TCF12: variants seen among roughly 807,000 people sequenced by gnomAD.
TCF12 encodes DNA-binding protein HTF4.
A neutral mutation model predicts 86.0 loss-of-function variants in TCF12; 45 were observed. That is an observed-to-expected ratio of 0.52 (90% CI 0.41 to 0.67). The LOEUF is 0.67. Among genes scored for constraint, TCF12 ranks in the 30% least tolerant of loss-of-function variants. The pLI, the probability that TCF12 is intolerant of heterozygous loss-of-function variation, is 0.00. For missense variants in TCF12, 881 were observed against 859.9 expected (o/e 1.02, Z -0.31); for synonymous variants, 330 against 299.6 (o/e 1.10, Z -1.05).
intron 17 of TCF12, 81 bp downstream of exon 17, chr15:57,262,289 G>A: frequency 9.9e-7 from 1 of 1,014,876 alleles, no homozygotes; most frequent in Non-Finnish European, 1.5e-6. Flanking sequence ...CAGCTGGATT[G>A]ACATCTGTGA....
At chr15:57,145,538 T>A (rs2053297900) in intron 5 of TCF12, among the ~76,000 whole-genome samples, 1 of 152,200 alleles carries the variant, frequency 6.6e-6, no homozygotes. Flanking sequence ...GGACTTCTAA[T>A]TCTTACATTA....
At chr15:57,128,260 A>G (rs1443202076) in intron 5 of TCF12, among the ~76,000 whole-genome samples, 1 of 152,208 alleles carries the variant, frequency 6.6e-6, no homozygotes, top group Non-Finnish European at 1.5e-5. Context: ...TAATCAGATG[A>G]CGAGAAACAG....
chr15:57,063,874 T>C lies in TCF12; in HGVS notation c.222+51T>C, dbSNP rs79035959. ...TAAAGCTGTAATTTGGCAGACTACG[T>C]AATTTCTTTCATATATGCTGTTTCT... On this transcript the variant is annotated intron_variant, in intron 4 of 20. Coordinates refer to ENST00000333725, the MANE Select transcript of TCF12 (RefSeq NM_207037.2). 297 of 1,416,958 alleles carry C rather than the reference T, an allele frequency of 2.1e-4. No individual in the cohort carries two copies. The African/African-American group carries it at 3.6e-3, about 17-fold the overall frequency. 87.8% of individuals were successfully genotyped at this position (1,416,958 alleles called of 1,614,324 possible).
intron 5 of TCF12, among the ~76,000 whole-genome samples, chr15:57,144,409 A>G (rs1191088407): frequency 6.6e-6 from 1 of 152,246 alleles, no homozygotes. Context: ...CTTACTTGAA[A>G]ATAATTTGAT....
rs1453698978 is a variant in TCF12, at chr15:57,232,733, T to C, written c.847T>C (p.Ser283Pro). Reference sequence around the variant, plus strand: ...CTAGAGTTATCCTCCACACTCAGTTTCACCAACAGACATAAACACGAGTCT... The same window carrying C: ...CTAGAGTTATCCTCCACACTCAGTTCCACCAACAGACATAAACACGAGTCT... The part of the protein sequence containing the change: ...DRLSYPPHSV[S>P]PTDINTSLPP... Residue 283 changes from serine (S) to proline (P), a missense_variant, in exon 11 of 21, where the codon TCA (serine) becomes CCA (proline). Transcript: ENST00000333725. 4 of 1,611,958 alleles carry C rather than the reference T, an allele frequency of 2.5e-6. No individual in the cohort carries two copies. Among genetic ancestry groups the C allele is most frequent in the Non-Finnish European group, 3.4e-6 (4 of 1,179,104 alleles).
chr15:57,245,151 T>C (rs2059802464), intron 13 of TCF12, among the ~76,000 whole-genome samples: 1 of 152,238 alleles, frequency 6.6e-6, no homozygotes, highest in Non-Finnish European at 1.5e-5. Context: ...TTAAGCCTTT[T>C]TGCACTGTGG....
chr15:57,156,267 T>C (rs1596888795), intron 5 of TCF12, among the ~76,000 whole-genome samples: 1 of 152,240 alleles, frequency 6.6e-6, no homozygotes, highest in Non-Finnish European at 1.5e-5. Context: ...GAAGAGTTGA[T>C]GAGCATATCA....
At chr15:57,052,158 C>T (rs1877608260) in intron 3 of TCF12, among the ~76,000 whole-genome samples, 1 of 152,142 alleles carries the variant, frequency 6.6e-6, no homozygotes, top group African/African-American at 2.4e-5. Context: ...ATACATATAA[C>T]AAATTTGTAT....
At chr15:57,210,616 C>T (rs183184811) in intron 8 of TCF12, among the ~76,000 whole-genome samples, 4 of 152,236 alleles carry the variant, frequency 2.6e-5, no homozygotes, top group Non-Finnish European at 4.4e-5. Context: ...ATTAGAGTAT[C>T]GTGTTCTTTT....
intron 3 of TCF12, among the ~76,000 whole-genome samples, chr15:57,016,982 C>T (rs1286721497): frequency 6.6e-6 from 1 of 152,142 alleles, no homozygotes. Flanking sequence ...ATCCGTGTTG[C>T]TGTCATGACA....
At chr15:57,136,970 G>GTTTTTTTTTT (rs1402740121) in intron 5 of TCF12, among the ~76,000 whole-genome samples, 1 of 40,830 alleles carries the variant, frequency 2.4e-5, no homozygotes, top group Admixed American at 4.4e-4. Context: ...TTTTTTTTTT[G>GTTTTTTTTTT]TTTTTTTTTT....
chr15:57,003,927 T>C (rs2141078716), intron 3 of TCF12, among the ~76,000 whole-genome samples: 1 of 152,334 alleles, frequency 6.6e-6, no homozygotes, highest in African/African-American at 2.4e-5. Context: ...GAACCTTTTC[T>C]TGAGATTCCA....
At chr15:57,209,440 T>C (rs2058010788) in intron 8 of TCF12, among the ~76,000 whole-genome samples, 1 of 152,178 alleles carries the variant, frequency 6.6e-6, no homozygotes, top group Admixed American at 6.5e-5. Flanking sequence ...AAGAAAAGTA[T>C]GGAAAACAAC....
chr15:56,985,194 C>T (rs934346589), intron 3 of TCF12, among the ~76,000 whole-genome samples: 3 of 152,168 alleles, frequency 2.0e-5, no homozygotes, highest in Non-Finnish European at 4.4e-5. Flanking sequence ...ATCCCGTGTT[C>T]TTTGCTGACA....
In TCF12 at chr15:57,232,294, G is replaced by T; in HGVS notation, c.689G>T (p.Gly230Val). The change falls in exon 10 of 21, where the codon GGG (glycine) becomes GTG (valine). Residue 230 changes from glycine (G) to valine (V), a missense_variant. By Grantham distance (109) the Gly-to-Val change is moderately radical. Coordinates refer to ENST00000333725, the MANE Select transcript of TCF12 (RefSeq NM_207037.2). ...MFASTFFMQD[G>V]THNSSDLWSS... is the part of the protein sequence containing the mutation. Reference sequence around the variant, plus strand: ...TATATTTCTCTTTTTGTCTTAGATGGGACCCACAATTCTTCTGACCTTTGG... The same window carrying T: ...TATATTTCTCTTTTTGTCTTAGATGTGACCCACAATTCTTCTGACCTTTGG... The T allele has an allele frequency of 6.2e-7, 1 of 1,613,656 alleles. No homozygotes were observed. The highest frequency in any genetic ancestry group is 8.5e-7 in the Non-Finnish European group (1 of 1,179,796).
At chr15:57,128,375 C>T (rs1335704294) in intron 5 of TCF12, among the ~76,000 whole-genome samples, 2 of 152,172 alleles carry the variant, frequency 1.3e-5, no homozygotes, top group Non-Finnish European at 2.9e-5. Flanking sequence ...CTTCATTTAT[C>T]CTAGGCACCA....
At chr15:56,955,513 G>C (rs2061471224) in intron 3 of TCF12, among the ~76,000 whole-genome samples, 1 of 152,050 alleles carries the variant, frequency 6.6e-6, no homozygotes, top group Non-Finnish European at 1.5e-5. Context: ...TATCAAAGCT[G>C]CAGGTTGTGC....
chr15:56,997,543 G>T (rs1228135250), intron 3 of TCF12, among the ~76,000 whole-genome samples: 1 of 152,106 alleles, frequency 6.6e-6, no homozygotes. Flanking sequence ...CTGCAGGAGG[G>T]ATTCATTTGT....
chr15:57,054,326 A>G (rs563095786), intron 3 of TCF12, among the ~76,000 whole-genome samples: 1 of 152,324 alleles, frequency 6.6e-6, no homozygotes, highest in African/African-American at 2.4e-5. Context: ...TGTACTTGAT[A>G]GTTATGCAGA....
Sources: gnomAD v4.1 joint callset for allele counts (sites outside exome capture counted in the v4.1 genomes callset) on GRCh38, gnomAD v4.1.1 for gene constraint, MANE v1.5 for transcripts, NCBI Gene and HGNC (gene_info 2026-07-23, HGNC 2026-07-21) for gene names.